ENTPD1: variants seen among roughly 807,000 people sequenced by gnomAD.
ENTPD1 encodes the protein ectonucleoside triphosphate diphosphohydrolase 1.
In ENTPD1, 33 loss-of-function variants were observed where a neutral mutation model predicts 57.0. That is an observed-to-expected ratio of 0.58 (90% confidence interval 0.44 to 0.77). ENTPD1 has a LOEUF of 0.77. Among genes scored for constraint, ENTPD1 ranks in the 30% least tolerant of loss-of-function variants. The pLI is 0.00. For synonymous variants in ENTPD1, 202 were observed against 218.8 expected, an observed-to-expected ratio of 0.92 and a Z score of 0.68; for missense variants, 501 against 603.4, an observed-to-expected ratio of 0.83 and a Z score of 1.78.
the ENTPD1 span, among the ~76,000 whole-genome samples, chr10:95,695,130 C>T: frequency 3.2e-4 from 49 of 152,126 alleles, no homozygotes; most frequent in African/African-American, 1.2e-3. Context: ...TCTCGAATTC[C>T]TGACCTCAAG....
At chr10:95,833,896 T>A (rs1175735027) in intron 2 of ENTPD1, 1 of 152,222 alleles carries the variant, frequency 6.6e-6, no homozygotes, top group Non-Finnish European at 1.5e-5. Flanking sequence ...AATTGTGGCA[T>A]TAATCCATTT....
rs190656909 is a variant in ENTPD1 at position 95,756,351 on chromosome 10, A to C, written c.16+96A>C. The C allele has an allele frequency of 1.2e-4, 162 of 1,360,856 alleles. 1 individual carries two copies. The African/African-American group carries it at 2.2e-3, about 19-fold the overall frequency. The allele number at this position is 1,360,856 out of a possible 1,614,324, so 84.3% of individuals were successfully genotyped here. On this transcript the variant is annotated intron_variant, in intron 1 of 9. Transcript: ENST00000371205. ...CAAAAAGCAAGTACTTGAAAGCTGG[A>C]GGCAAAAAGCCCTGAATGAACTTTC... is the stretch of plus-strand genomic sequence containing the variant.
chr10:95,807,172 G>A (rs947145099), intron 1 of ENTPD1, among the ~76,000 whole-genome samples: 2 of 152,162 alleles, frequency 1.3e-5, no homozygotes, highest in African/African-American at 4.8e-5. Flanking sequence ...TGCCCAGTTC[G>A]CACTTCCAGG....
intron 1 of ENTPD1, among the ~76,000 whole-genome samples, chr10:95,793,087 G>T (rs1468577623): frequency 6.6e-6 from 1 of 152,160 alleles, no homozygotes; most frequent in Admixed American, 6.5e-5. Flanking sequence ...TTTGAAGCTT[G>T]TTTCTTTGAA....
At chr10:95,697,965 CTG>C in the ENTPD1 span, among the ~76,000 whole-genome samples, 2 of 152,130 alleles carry the variant, frequency 1.3e-5, no homozygotes, top group African/African-American at 4.8e-5. Flanking sequence ...TATAAAGTGA[CTG>C]TATTTCAGTG....
intron 1 of ENTPD1, among the ~76,000 whole-genome samples, chr10:95,733,099 C>G (rs962334160): frequency 2.0e-5 from 3 of 152,164 alleles, no homozygotes; most frequent in Admixed American, 6.5e-5. Flanking sequence ...TATTTCATCC[C>G]TTATCTTCAA....
upstream of ENTPD1, among the ~76,000 whole-genome samples, chr10:95,752,414 GGAGGCC>G (rs2098013490): frequency 6.6e-6 from 1 of 152,146 alleles, no homozygotes; most frequent in Non-Finnish European, 1.5e-5. Context: ...CAGCACTTTG[GGAGGCC>G]GAGGTGGGCA....
chr10:95,786,178 G>T (rs1016715138), intron 1 of ENTPD1, among the ~76,000 whole-genome samples: 1 of 152,150 alleles, frequency 6.6e-6, no homozygotes, highest in Non-Finnish European at 1.5e-5. Context: ...ACTCCCTAGG[G>T]ATGGTTTGCC....
chr10:95,771,792 A>G (rs1440123552), intron 1 of ENTPD1, among the ~76,000 whole-genome samples: 1 of 152,202 alleles, frequency 6.6e-6, no homozygotes, highest in Non-Finnish European at 1.5e-5. Context: ...CCATTAGTCA[A>G]GAACTGCCAC....
chr10:95,827,633 G>A (rs943125480), intron 2 of ENTPD1, among the ~76,000 whole-genome samples: 35 of 151,914 alleles, frequency 2.3e-4, no homozygotes, highest in Admixed American at 1.4e-3. Context: ...CTACAGGCAC[G>A]TGCCACCATG....
chr10:95,750,973 A>G (rs539541773), upstream of ENTPD1, among the ~76,000 whole-genome samples: 49 of 152,270 alleles, frequency 3.2e-4, 2 homozygotes, highest in East Asian at 7.5e-3. Flanking sequence ...CAGCGAGCCA[A>G]GATAGCACCA....
Position 95,861,353 on chromosome 10 carries a change from GGAT to G in ENTPD1, c.1188+774_1188+776del, listed in dbSNP as rs1450428285. The G allele has an allele frequency of 2.0e-5, 3 of 152,334 alleles. No homozygotes were observed. The East Asian group carries it at 5.8e-4, about 29-fold the overall frequency. The allele number at this position is 152,334 out of a possible 1,614,324, so 9.4% of individuals were successfully genotyped here. Reference sequence around the variant, plus strand: ...CCAGTGCCACAAGATGAAAATCCAGGGATGAGAGGTATGGAATCCACTCCGATT... The same window carrying G: ...CCAGTGCCACAAGATGAAAATCCAGGGAGAGGTATGGAATCCACTCCGATT... On this transcript the variant is annotated intron_variant, in intron 8 of 9. Transcript: ENST00000371205.
At chr10:95,767,866 A>G (rs1373804275) in intron 1 of ENTPD1, among the ~76,000 whole-genome samples, 1 of 152,220 alleles carries the variant, frequency 6.6e-6, no homozygotes, top group African/African-American at 2.4e-5. Flanking sequence ...AATCCCCAGT[A>G]TAACAATGTT....
intron 2 of ENTPD1, among the ~76,000 whole-genome samples, chr10:95,831,898 T>C (rs2098397720): frequency 6.6e-6 from 1 of 152,246 alleles, no homozygotes; most frequent in Admixed American, 6.5e-5. Flanking sequence ...ATTGACTCCA[T>C]TCATTCATTT....
chr10:95,853,115 G>A (rs1423130410), intron 7 of ENTPD1, among the ~76,000 whole-genome samples: 2 of 152,068 alleles, frequency 1.3e-5, no homozygotes, highest in Non-Finnish European at 2.9e-5. Flanking sequence ...ATTGAGCAGT[G>A]GTTTGTAGTT....
In ENTPD1 at chr10:95,869,494, A is replaced by T; in HGVS notation, c.*3111A>T. Reference sequence around the variant, plus strand: ...CCAACTCCCAATCTCAGGTGATCCTATTGCCTCGGGCTCCCAAAGTGCTGG... The same window carrying T: ...CCAACTCCCAATCTCAGGTGATCCTTTTGCCTCGGGCTCCCAAAGTGCTGG... On this transcript the variant is annotated 3_prime_UTR_variant, in exon 10 of 10. Coordinates refer to ENST00000371205, the MANE Select transcript of ENTPD1 (RefSeq NM_001776.6). 1 of 944,354 alleles carries T rather than the reference A, an allele frequency of 1.1e-6. No homozygotes were observed. The highest frequency in any genetic ancestry group is 1.3e-6 in the Non-Finnish European group (1 of 792,986). 58.5% of individuals were successfully genotyped at this position (944,354 alleles called of 1,614,324 possible).
At chr10:95,823,395 T>C (rs1430096312) in intron 2 of ENTPD1, 31 bp downstream of exon 2, 2 of 1,612,986 alleles carry the variant, frequency 1.2e-6, no homozygotes, top group African/African-American at 1.3e-5. Flanking sequence ...TGTTTGTGTG[T>C]ATGTAAGAGG....
At chr10:95,790,993 G>T (rs1216629451) in intron 1 of ENTPD1, among the ~76,000 whole-genome samples, 2 of 152,178 alleles carry the variant, frequency 1.3e-5, no homozygotes, top group African/African-American at 2.4e-5. Context: ...GTAGCTTTTA[G>T]TGAGACTGCA....
Position 95,866,784 on chromosome 10 carries a change from T to C in ENTPD1, c.*401T>C, listed in dbSNP as rs2098475007. 9.1e-7 allele frequency: 1 copy of C among 1,103,954 alleles called. No individual in the cohort carries two copies. Among genetic ancestry groups the C allele is most frequent in the Non-Finnish European group, 1.1e-6 (1 of 900,242 alleles). 68.4% of individuals were successfully genotyped at this position (1,103,954 alleles called of 1,614,324 possible). On this transcript the variant is annotated 3_prime_UTR_variant, in exon 10 of 10. Coordinates refer to ENST00000371205, the MANE Select transcript of ENTPD1 (RefSeq NM_001776.6). ...AGAATCTCAGGAACTGGTTCAGTTGTACTCTTTAAGAACCCCTTTCTCTCT... is the reference window on the plus strand; with the variant it reads ...AGAATCTCAGGAACTGGTTCAGTTGCACTCTTTAAGAACCCCTTTCTCTCT...
Sources: allele counts gnomAD v4.1 joint callset (sites outside exome capture counted in the v4.1 genomes callset), GRCh38; gene constraint gnomAD v4.1.1; transcripts MANE v1.5; gene names NCBI Gene and HGNC (gene_info 2026-07-23, HGNC 2026-07-21).